Variants in ZBTB7C observed in about 807,000 individuals in gnomAD.
The protein encoded by ZBTB7C is zinc finger and BTB domain-containing protein 7C.
A neutral mutation model predicts 25.7 loss-of-function variants in ZBTB7C; 8 were observed. That is an observed-to-expected ratio of 0.31 (90% CI 0.18 to 0.56). ZBTB7C has a LOEUF of 0.56. ZBTB7C is among the 20% of genes least tolerant of loss of function. The pLI is 0.91. For synonymous variants in ZBTB7C, 394 were observed against 369.0 expected, an observed-to-expected ratio of 1.07 and a Z score of -0.78; for missense variants, 824 against 855.2, an observed-to-expected ratio of 0.96 and a Z score of 0.46.
chr18:48,404,655 G>T (rs1038179781), intron 1 of ZBTB7C, among the ~76,000 whole-genome samples: 1 of 152,094 alleles, frequency 6.6e-6, no homozygotes, highest in African/African-American at 2.4e-5. Context: ...TTGGCCCCAG[G>T]GTTCTCACAA....
At chr18:48,246,561 G>A (rs1288691412) in intron 2 of ZBTB7C, among the ~76,000 whole-genome samples, 1 of 151,944 alleles carries the variant, frequency 6.6e-6, no homozygotes, top group Non-Finnish European at 1.5e-5. Context: ...AAGAAAAAAT[G>A]TAGTTGTCTC....
chr18:48,154,870 A>C (rs2040788750), intron 3 of ZBTB7C, among the ~76,000 whole-genome samples: 1 of 152,226 alleles, frequency 6.6e-6, no homozygotes. Context: ...CTAAATGCTC[A>C]AGTCCTAGTC....
chr18:48,168,511 T>C (rs181355785), intron 3 of ZBTB7C, among the ~76,000 whole-genome samples: 363 of 152,346 alleles, frequency 2.4e-3, no homozygotes, highest in Non-Finnish European at 4.1e-3. Context: ...AGAGCTCCTA[T>C]ACATCAATAA....
chr18:48,059,472 C>A (rs2037044660), intron 3 of ZBTB7C, among the ~76,000 whole-genome samples: 1 of 152,162 alleles, frequency 6.6e-6, no homozygotes, highest in South Asian at 2.1e-4. Flanking sequence ...CTGAGACCTA[C>A]AACTCACTGG....
At chr18:48,224,200 A>C (rs2043030390) in intron 2 of ZBTB7C, among the ~76,000 whole-genome samples, 1 of 152,232 alleles carries the variant, frequency 6.6e-6, no homozygotes, top group African/African-American at 2.4e-5. Flanking sequence ...TAAGTGGTTC[A>C]GGGCCTGCAT....
At chr18:48,404,377 T>C (rs1317850633) in intron 1 of ZBTB7C, among the ~76,000 whole-genome samples, 2 of 152,106 alleles carry the variant, frequency 1.3e-5, no homozygotes, top group Non-Finnish European at 2.9e-5. Flanking sequence ...TCAATGTGTT[T>C]AAGAAACAAA....
At chr18:48,212,754 A>T (rs1312420090) in intron 2 of ZBTB7C, among the ~76,000 whole-genome samples, 2 of 152,136 alleles carry the variant, frequency 1.3e-5, no homozygotes, top group East Asian at 3.8e-4. Flanking sequence ...CAGGAAAGGC[A>T]GGAGGTCTAA....
At chr18:48,232,805 A>G (rs1359258630) in intron 2 of ZBTB7C, among the ~76,000 whole-genome samples, 3 of 152,150 alleles carry the variant, frequency 2.0e-5, no homozygotes, top group Non-Finnish European at 2.9e-5. Context: ...TTTCATTTGC[A>G]TACATCTCAT....
chr18:48,301,290 T>C (rs2045537209), intron 2 of ZBTB7C, among the ~76,000 whole-genome samples: 1 of 152,008 alleles, frequency 6.6e-6, no homozygotes, highest in Non-Finnish European at 1.5e-5. Flanking sequence ...ACCAGCCTGG[T>C]CAACATGGCA....
intron 4 of ZBTB7C, among the ~76,000 whole-genome samples, chr18:48,037,181 A>G (rs1004946773): frequency 1.3e-5 from 2 of 152,196 alleles, no homozygotes; most frequent in Non-Finnish European, 2.9e-5. Context: ...AGGGTCAGAG[A>G]CCAGTGGGAA....
At chr18:48,084,103 C>T (rs1462661825) in intron 3 of ZBTB7C, among the ~76,000 whole-genome samples, 1 of 152,212 alleles carries the variant, frequency 6.6e-6, no homozygotes, top group African/African-American at 2.4e-5. Flanking sequence ...GTGGGTGTCC[C>T]ACTGTGCTGA....
intron 1 of ZBTB7C, among the ~76,000 whole-genome samples, chr18:48,357,419 C>T (rs12959355): frequency 0.3 from 44,887 of 152,118 alleles, 7,757 homozygotes; most frequent in East Asian, 0.69. Context: ...TCCCAGGAGC[C>T]CTTCCCTGAC....
At chr18:48,398,401 G>A (rs1422838432) in intron 1 of ZBTB7C, among the ~76,000 whole-genome samples, 1 of 152,172 alleles carries the variant, frequency 6.6e-6, no homozygotes. Context: ...CTGCATATGG[G>A]CAGTGACCTT....
intron 1 of ZBTB7C, chr18:48,374,183 T>G (rs1444568998): frequency 2.0e-5 from 3 of 152,290 alleles, no homozygotes; most frequent in Non-Finnish European, 4.4e-5. Flanking sequence ...TCTCAGGTAT[T>G]TCTTTATAGC....
chr18:48,309,719 G>C (rs535048585), intron 2 of ZBTB7C, among the ~76,000 whole-genome samples: 17 of 152,216 alleles, frequency 1.1e-4, no homozygotes, highest in Non-Finnish European at 2.2e-4. Flanking sequence ...CCTTTTAAGA[G>C]AGAGAAACTG....
intron 2 of ZBTB7C, among the ~76,000 whole-genome samples, chr18:48,304,473 G>A (rs1022656469): frequency 1.3e-5 from 2 of 152,166 alleles, no homozygotes; most frequent in African/African-American, 2.4e-5. Flanking sequence ...TCAGGAGTTC[G>A]AGACCAGCCT....
At chr18:48,355,920 C>T (rs961413964) in intron 1 of ZBTB7C, among the ~76,000 whole-genome samples, 5 of 152,182 alleles carry the variant, frequency 3.3e-5, no homozygotes, top group African/African-American at 9.7e-5. Context: ...CCCAGGTGAG[C>T]GGGCTGAGAA....
intron 3 of ZBTB7C, among the ~76,000 whole-genome samples, chr18:48,081,871 C>G (rs1306307846): frequency 6.7e-6 from 1 of 148,678 alleles, no homozygotes; most frequent in Non-Finnish European, 1.5e-5. Flanking sequence ...GATTTAGTAC[C>G]AAAAAAAAAG....
chr18:48,231,973 G>C (rs1344580896), intron 2 of ZBTB7C, among the ~76,000 whole-genome samples: 1 of 152,208 alleles, frequency 6.6e-6, no homozygotes, highest in East Asian at 1.9e-4. Flanking sequence ...AGCATGCTTA[G>C]CTGTGCACAG....
Sources: allele counts gnomAD v4.1 joint callset (sites outside exome capture counted in the v4.1 genomes callset), GRCh38; gene constraint gnomAD v4.1.1; transcripts MANE v1.5; gene names NCBI Gene and HGNC (gene_info 2026-07-23, HGNC 2026-07-21).